MMP26: variants seen among roughly 807,000 people sequenced by gnomAD.
MMP26 encodes the protein matrix metalloproteinase-26.
A neutral mutation model predicts 31.0 loss-of-function variants in MMP26; 33 were observed. The ratio of observed to expected loss-of-function variants is 1.06; its 90% CI spans 0.81 to 1.42. MMP26 has a LOEUF of 1.42. Ranked by LOEUF, MMP26 falls within the 40% of genes most tolerant of loss-of-function variation. MMP26 has a pLI of 0.00. For synonymous variants in MMP26, 122 were observed against 114.9 expected (o/e 1.06, Z -0.40); for missense variants, 347 against 316.1 (o/e 1.10, Z -0.74).
At chr11:4,898,859 G>C (rs1392434928) in intron 2 of MMP26, among the ~76,000 whole-genome samples, 1 of 149,196 alleles carries the variant, frequency 6.7e-6, no homozygotes, top group African/African-American at 2.5e-5. Context: ...GTGTGTGTGT[G>C]TGTGTGTGTG....
At chr11:4,849,261 T>G (rs1849938696) in intron 2 of MMP26, 3 of 1,537,758 alleles carry the variant, frequency 2.0e-6, no homozygotes, top group Middle Eastern at 2.4e-4. Flanking sequence ...TAGAAAGGTT[T>G]ACTTAATCGC....
intron 1 of MMP26, among the ~76,000 whole-genome samples, chr11:4,743,930 T>C (rs1305995638): frequency 6.6e-6 from 1 of 152,056 alleles, no homozygotes; most frequent in Admixed American, 6.6e-5. Context: ...CTCAACCTCC[T>C]GAGCAGGTAG....
At chr11:4,786,493 CTTTTTTTTTTTTTTTTTTT>C (rs66987352) in intron 2 of MMP26, among the ~76,000 whole-genome samples, 6 of 60,352 alleles carry the variant, frequency 9.9e-5, no homozygotes, top group Admixed American at 6.1e-4. Context: ...TCTGCTGATC[CTTTTTTTTTTTTTTTTTTT>C]TTTTTTTTTT....
intron 1 of MMP26, among the ~76,000 whole-genome samples, chr11:4,722,416 A>G (rs1848024404): frequency 6.6e-6 from 1 of 151,520 alleles, no homozygotes. Flanking sequence ...TGAGTTTGAA[A>G]TGCATTTAAT....
At chr11:4,910,541 T>G (rs1440710063) in intron 2 of MMP26, among the ~76,000 whole-genome samples, 1 of 152,136 alleles carries the variant, frequency 6.6e-6, no homozygotes, top group Non-Finnish European at 1.5e-5. Flanking sequence ...CATTGCTAGA[T>G]GTACTGTATT....
intron 1 of MMP26, chr11:4,736,678 C>G (rs1848244920): frequency 6.6e-6 from 1 of 152,170 alleles, no homozygotes; most frequent in Non-Finnish European, 1.5e-5. Context: ...TTTGACGATC[C>G]TGGAATCAGT....
chr11:4,798,512 A>T (rs1187819415), intron 2 of MMP26, among the ~76,000 whole-genome samples: 1 of 152,108 alleles, frequency 6.6e-6, no homozygotes, highest in Admixed American at 6.5e-5. Context: ...ACATGCCTCT[A>T]CTCTCCATTG....
intron 2 of MMP26, among the ~76,000 whole-genome samples, chr11:4,861,056 G>A (rs965255930): frequency 1.5e-5 from 2 of 133,938 alleles, no homozygotes; most frequent in South Asian, 2.6e-4. Context: ...GTGTATAAGG[G>A]TATTATATAT....
intron 2 of MMP26, chr11:4,803,938 C>T (rs753074876): frequency 1.2e-6 from 2 of 1,613,018 alleles, no homozygotes; most frequent in African/African-American, 1.3e-5. Flanking sequence ...CACGATGGTC[C>T]CCAGTTTGAT....
At chr11:4,819,814 A>C (rs565105018) in intron 2 of MMP26, among the ~76,000 whole-genome samples, 1 of 152,082 alleles carries the variant, frequency 6.6e-6, no homozygotes, top group East Asian at 1.9e-4. Context: ...TCCTGGGCTC[A>C]AGTGATCCTC....
At chr11:4,825,909 A>T (rs1375459844) in intron 2 of MMP26, among the ~76,000 whole-genome samples, 1 of 152,168 alleles carries the variant, frequency 6.6e-6, no homozygotes, top group East Asian at 1.9e-4. Context: ...AAAGACAGAA[A>T]TCATACAATA....
intron 2 of MMP26, among the ~76,000 whole-genome samples, chr11:4,858,067 G>T (rs973469839): frequency 9.9e-5 from 15 of 152,096 alleles, no homozygotes; most frequent in African/African-American, 3.6e-4. Context: ...GTGTCGATGG[G>T]ACGTATCTCA....
At chr11:4,858,919 A>C in intron 2 of MMP26, among the ~76,000 whole-genome samples, 1 of 152,168 alleles carries the variant, frequency 6.6e-6, no homozygotes, top group Non-Finnish European at 1.5e-5. Flanking sequence ...TTAATACCAC[A>C]CATCTATAAC....
chr11:4,991,387 G>A lies in MMP26; in HGVS notation c.486G>A (p.Trp162Ter), dbSNP rs765194856. ...SFWQWAHEDG[W>*]PFDGPGGILG... The stretch of plus-strand genomic sequence containing the variant: ...CGTCCACAGCCCATGAAGATGGTTG[G>A]CCCTTTGATGGGCCAGGTGGTATCT... Residue 162 changes from tryptophan (W) to a stop codon, truncating the protein, a stop_gained, in exon 6 of 8, where the codon TGG (tryptophan) becomes TGA (stop). Transcript: ENST00000380390. LOFTEE classifies it high-confidence loss of function. The A allele has an allele frequency of 3.1e-5, 50 of 1,613,270 alleles. No individual in the cohort carries two copies. The highest frequency in any genetic ancestry group is 3.8e-5 in the Non-Finnish European group (45 of 1,179,510).
At chr11:4,799,357 C>G (rs1239440373) in intron 2 of MMP26, among the ~76,000 whole-genome samples, 2 of 151,668 alleles carry the variant, frequency 1.3e-5, no homozygotes, top group Non-Finnish European at 2.9e-5. Context: ...AGAATGGGAG[C>G]AGGAGAGAGA....
chr11:4,780,171 C>T (rs562461785), intron 2 of MMP26, among the ~76,000 whole-genome samples: 2 of 151,946 alleles, frequency 1.3e-5, no homozygotes, highest in South Asian at 2.1e-4. Context: ...TTGCATATTC[C>T]CTTTGTAAGC....
At chr11:4,748,337 G>A (rs1401350450) in intron 1 of MMP26, among the ~76,000 whole-genome samples, 1 of 151,890 alleles carries the variant, frequency 6.6e-6, no homozygotes, top group Non-Finnish European at 1.5e-5. Flanking sequence ...AGAACCAGAT[G>A]GATTAACAGC....
intron 1 of MMP26, among the ~76,000 whole-genome samples, chr11:4,726,546 T>G (rs538291603): frequency 6.6e-6 from 1 of 152,098 alleles, no homozygotes; most frequent in South Asian, 2.1e-4. Context: ...TAGTAAGATA[T>G]GAGTGTGTGA....
intron 1 of MMP26, among the ~76,000 whole-genome samples, chr11:4,730,817 C>T (rs1271680224): frequency 6.6e-6 from 1 of 152,180 alleles, no homozygotes; most frequent in African/African-American, 2.4e-5. Flanking sequence ...CCTGCTACAT[C>T]AGTAAAACTT....
Sources: allele counts gnomAD v4.1 joint callset (sites outside exome capture counted in the v4.1 genomes callset), GRCh38; gene constraint gnomAD v4.1.1; transcripts MANE v1.5; gene names NCBI Gene and HGNC (gene_info 2026-07-23, HGNC 2026-07-21).